Variants in ZNF521 observed in about 807,000 individuals in gnomAD.
ZNF521 encodes zinc finger protein 521.
In ZNF521, 14 loss-of-function variants were observed where a neutral mutation model predicts 105.5. That is an observed-to-expected ratio of 0.13 (90% CI 0.09 to 0.21). ZNF521 has a LOEUF of 0.21. ZNF521 is among the 10% of genes least tolerant of loss of function. The pLI, the probability that ZNF521 is intolerant of heterozygous loss-of-function variation, is 1.00. For missense variants in ZNF521, 1,233 were observed against 1,629.7 expected, an observed-to-expected ratio of 0.76 and a Z score of 4.19; for synonymous variants, 635 against 606.0, an observed-to-expected ratio of 1.05 and a Z score of -0.70.
chr18:25,306,833 G>A (rs1912005603), intron 3 of ZNF521, among the ~76,000 whole-genome samples: 1 of 133,820 alleles, frequency 7.5e-6, no homozygotes, highest in Non-Finnish European at 1.6e-5. Flanking sequence ...CTCATAAAGG[G>A]AAAACTAAAC....
Position 25,227,964 on chromosome 18 carries a change from C to T in ZNF521, c.221-267G>A, listed in dbSNP as rs896271267. On this transcript the variant is annotated intron_variant, in intron 3 of 7. Coordinates refer to ENST00000361524, the MANE Select transcript of ZNF521 (RefSeq NM_015461.3). The surrounding 1 kb of genome is among the most constrained non-coding windows in gnomAD (Gnocchi z 5.7). ...TACCCTTTTATTACTTTTTATCATT[C>T]TTCCTTAGAAGCAAGGTATATATTA... 6.6e-6 allele frequency among the ~76,000 whole-genome samples: 1 copy of T among 152,132 alleles called. No individual in the cohort carries two copies. The highest frequency in any genetic ancestry group is 2.4e-5 in the African/African-American group (1 of 41,428).
chr18:25,181,124 C>T (rs1305405115), intron 5 of ZNF521, among the ~76,000 whole-genome samples: 1 of 152,182 alleles, frequency 6.6e-6, no homozygotes, highest in Non-Finnish European at 1.5e-5. Context: ...GTAAGGAAGC[C>T]TCCCACACAA....
intron 4 of ZNF521, among the ~76,000 whole-genome samples, chr18:25,216,677 G>A (rs1041387465): frequency 6.6e-6 from 1 of 152,084 alleles, no homozygotes; most frequent in Admixed American, 6.5e-5. Context: ...TCCCACTTCA[G>A]CCTCCTGAGT....
At chr18:25,104,814 T>C (rs552263742) in intron 5 of ZNF521, among the ~76,000 whole-genome samples, 1 of 152,254 alleles carries the variant, frequency 6.6e-6, no homozygotes, top group South Asian at 2.1e-4. Context: ...TAAATAGAGA[T>C]TAGCATGGTA....
chr18:25,168,317 G>T (rs2144549266), intron 5 of ZNF521, among the ~76,000 whole-genome samples: 1 of 152,304 alleles, frequency 6.6e-6, no homozygotes, highest in South Asian at 2.1e-4. Context: ...CTCAGTGCCT[G>T]CCTGGTTCCC....
intron 3 of ZNF521, among the ~76,000 whole-genome samples, chr18:25,307,627 C>A (rs1052766517): frequency 1.3e-5 from 2 of 152,158 alleles, no homozygotes. Context: ...CTGGTATTCA[C>A]GCCTTTGTAT....
chr18:25,085,843 T>C (rs2033611745), intron 7 of ZNF521, among the ~76,000 whole-genome samples: 1 of 152,030 alleles, frequency 6.6e-6, no homozygotes, highest in Non-Finnish European at 1.5e-5. Context: ...GAAATGTAAA[T>C]TATGTATTAT....
At chr18:25,087,692 T>C (rs879902387) in intron 7 of ZNF521, among the ~76,000 whole-genome samples, 2 of 152,146 alleles carry the variant, frequency 1.3e-5, no homozygotes, top group Non-Finnish European at 2.9e-5. Context: ...CAAACAGAAA[T>C]TTAGATTATT....
At chr18:25,082,610 T>A (rs531934707) in intron 7 of ZNF521, 2 of 434,458 alleles carry the variant, frequency 4.6e-6, no homozygotes, top group African/African-American at 4.1e-5. Flanking sequence ...CCAAGGCGGG[T>A]GGATTGCCTG....
intron 7 of ZNF521, among the ~76,000 whole-genome samples, chr18:25,063,477 C>T (rs1478790412): frequency 6.6e-6 from 1 of 152,120 alleles, no homozygotes; most frequent in African/African-American, 2.4e-5. Context: ...CTCATCTATG[C>T]TAGCATGTCC....
chr18:25,226,151 G>C lies in ZNF521; in HGVS notation c.1767C>G (p.Pro589=), dbSNP rs764299815. ...KHIKENHKNI[P]LALNYIHNGK... ...CATTGTGGATATAATTCAGGGCCAA[G>C]GGAATGTTTTTATGATTCTCTTTGA... Residue 589 remains proline (P), a synonymous_variant, in exon 4 of 8, where the codon CCC becomes CCG. Transcript: ENST00000361524. The surrounding 1 kb of genome is among the most constrained non-coding windows in gnomAD (Gnocchi z 4.1). 1 of 1,614,206 alleles carries C rather than the reference G, an allele frequency of 6.2e-7. No individual in the cohort carries two copies. Among genetic ancestry groups the C allele is most frequent in the Non-Finnish European group, 8.5e-7 (1 of 1,180,032 alleles).
intron 2 of ZNF521, among the ~76,000 whole-genome samples, chr18:25,331,493 T>C (rs1471809769): frequency 2.0e-5 from 3 of 152,172 alleles, no homozygotes; most frequent in African/African-American, 7.2e-5. Context: ...TGCGAAAGAA[T>C]CTGGCTCCTC....
At chr18:25,166,551 C>A (rs1196797852) in intron 5 of ZNF521, among the ~76,000 whole-genome samples, 3 of 152,170 alleles carry the variant, frequency 2.0e-5, no homozygotes, top group African/African-American at 7.2e-5. Context: ...ACATTACCCA[C>A]TGACGTAATA....
At chr18:25,303,167 A>G (rs1022762542) in intron 3 of ZNF521, among the ~76,000 whole-genome samples, 1 of 152,170 alleles carries the variant, frequency 6.6e-6, no homozygotes, top group African/African-American at 2.4e-5. Context: ...CAGAGCACCA[A>G]GAAAAAAGTC....
intron 7 of ZNF521, among the ~76,000 whole-genome samples, chr18:25,071,158 G>C (rs978614623): frequency 2.6e-5 from 4 of 152,174 alleles, no homozygotes; most frequent in Non-Finnish European, 5.9e-5. Flanking sequence ...ATTTTAAAAA[G>C]AGAACTGCAA....
chr18:25,093,220 C>T (rs1318407317), intron 5 of ZNF521, among the ~76,000 whole-genome samples: 3 of 152,140 alleles, frequency 2.0e-5, no homozygotes, highest in Non-Finnish European at 2.9e-5. Flanking sequence ...CAAACCTGGG[C>T]ACTCTGGCCT....
At chr18:25,334,126 A>G (rs1182725289) in intron 2 of ZNF521, among the ~76,000 whole-genome samples, 2 of 152,106 alleles carry the variant, frequency 1.3e-5, no homozygotes, top group African/African-American at 2.4e-5. Flanking sequence ...GAGGCATTCA[A>G]TTTTTTTTAA....
intron 7 of ZNF521, among the ~76,000 whole-genome samples, chr18:25,069,946 A>G (rs1039720703): frequency 6.6e-6 from 1 of 152,110 alleles, no homozygotes; most frequent in African/African-American, 2.4e-5. Context: ...TTATTTTTTC[A>G]TATGGTAATG....
intron 3 of ZNF521, among the ~76,000 whole-genome samples, chr18:25,266,503 G>A (rs1479979957): frequency 6.6e-6 from 1 of 152,156 alleles, no homozygotes; most frequent in Non-Finnish European, 1.5e-5. Flanking sequence ...CTCCCAATGA[G>A]ATCAACACAG....
Sources: gnomAD v4.1 joint callset for allele counts (sites outside exome capture counted in the v4.1 genomes callset) on GRCh38, gnomAD v4.1.1 for gene constraint, Gnocchi (gnomAD v3.1) non-coding constraint, MANE v1.5 for transcripts, NCBI Gene and HGNC (gene_info 2026-07-23, HGNC 2026-07-21) for gene names.